FBXO25: variants seen among roughly 807,000 people sequenced by gnomAD.
The protein encoded by FBXO25 is F-box protein 25, also known as F-box only protein 25.
In FBXO25, 45 loss-of-function variants were observed where a neutral mutation model predicts 51.9. That is an observed-to-expected ratio of 0.87 (90% CI 0.68 to 1.11). FBXO25 has a LOEUF of 1.11. Ranked by LOEUF, FBXO25 falls within the 50% of genes most tolerant of loss-of-function variation. The probability of loss-of-function intolerance (pLI) is 0.00; values close to 1 mark genes in which losing one functional copy is unlikely to be tolerated. For missense variants in FBXO25, 507 were observed against 428.5 expected (o/e 1.18, Z -1.62); for synonymous variants, 199 against 151.0 (o/e 1.32, Z -2.33).
intron 5 of FBXO25, among the ~76,000 whole-genome samples, chr8:449,087 TAA>T (rs1333745081): frequency 6.8e-6 from 1 of 146,686 alleles, no homozygotes; most frequent in Admixed American, 6.8e-5. Flanking sequence ...CTGGTAAAAG[TAA>T]AAGATTTCAG....
rs1349744693 is a variant in FBXO25, at chr8:469,184, T to A, written c.*380T>A. 2 of 171,928 alleles carry A rather than the reference T, an allele frequency of 1.2e-5. No individual in the cohort carries two copies. Among genetic ancestry groups the A allele is most frequent in the Non-Finnish European group, 2.4e-5 (2 of 81,706 alleles). 10.7% of individuals were successfully genotyped at this position (171,928 alleles called of 1,614,324 possible). A position where few individuals can be genotyped will look rare whatever the true frequency, so the allele number is the denominator to read the frequency against. Reference sequence around the variant, plus strand: ...AATTATAGTTTCCCAATTGGGAAACTAATTGGGGGTGGGTTACAAAACATT... The same window carrying A: ...AATTATAGTTTCCCAATTGGGAAACAAATTGGGGGTGGGTTACAAAACATT... On this transcript the variant is annotated 3_prime_UTR_variant, in exon 10 of 10. Transcript: ENST00000350302.
chr8:418,462 C>G (rs1796948343), intron 2 of FBXO25, among the ~76,000 whole-genome samples: 1 of 150,346 alleles, frequency 6.7e-6, no homozygotes, highest in South Asian at 2.1e-4. Flanking sequence ...GCCTCAGCCT[C>G]CTGAGTAGCT....
At chr8:409,367 A>G (rs796540477) in intron 1 of FBXO25, among the ~76,000 whole-genome samples, 115 of 152,262 alleles carry the variant, frequency 7.6e-4, no homozygotes, top group African/African-American at 2.5e-3. Context: ...GGCATGGACT[A>G]TTTTTTTATT....
At chr8:463,691 G>A (rs1433527453) in intron 9 of FBXO25, among the ~76,000 whole-genome samples, 2 of 152,236 alleles carry the variant, frequency 1.3e-5, no homozygotes, top group South Asian at 2.1e-4. Flanking sequence ...AACTTAACAA[G>A]ACTATCGTTA....
chr8:431,918 G>A (rs563842602), intron 3 of FBXO25, among the ~76,000 whole-genome samples: 18 of 152,314 alleles, frequency 1.2e-4, no homozygotes, highest in African/African-American at 3.1e-4. Flanking sequence ...ACATGTTAAT[G>A]TATAGTAGGC....
chr8:459,928 G>A (rs1424382750), intron 8 of FBXO25, among the ~76,000 whole-genome samples: 1 of 152,172 alleles, frequency 6.6e-6, no homozygotes, highest in Non-Finnish European at 1.5e-5. Flanking sequence ...TGGATGCCTT[G>A]GGGAAAACTC....
At chr8:426,264 A>T (rs983711366) in intron 2 of FBXO25, among the ~76,000 whole-genome samples, 5 of 152,178 alleles carry the variant, frequency 3.3e-5, no homozygotes, top group Non-Finnish European at 5.9e-5. Context: ...GTGTATACTC[A>T]TAAAAAATAT....
chr8:425,239 C>T (rs909368960), intron 2 of FBXO25, among the ~76,000 whole-genome samples: 1 of 151,926 alleles, frequency 6.6e-6, no homozygotes, highest in Non-Finnish European at 1.5e-5. Context: ...AGTTTTATCA[C>T]CAAGTGTATA....
intron 5 of FBXO25, among the ~76,000 whole-genome samples, chr8:442,260 C>G (rs370133247): frequency 1.3e-5 from 2 of 150,732 alleles, no homozygotes; most frequent in African/African-American, 4.9e-5. Context: ...CTATTGTATA[C>G]ATAAATGTTT....
At chr8:454,996 T>C (rs189953734) in intron 7 of FBXO25, among the ~76,000 whole-genome samples, 1,940 of 152,194 alleles carry the variant, frequency 0.013, 35 homozygotes, top group African/African-American at 0.043. Context: ...AGAGGTTTGA[T>C]TTGTAGCCTT....
At chr8:445,302 G>A (rs1432965694) in intron 5 of FBXO25, among the ~76,000 whole-genome samples, 1 of 152,154 alleles carries the variant, frequency 6.6e-6, no homozygotes, top group African/African-American at 2.4e-5. Flanking sequence ...TTAAAGAAAT[G>A]TAGAAAACTT....
intron 5 of FBXO25, among the ~76,000 whole-genome samples, chr8:439,078 A>C (rs560727152): frequency 1.3e-5 from 2 of 152,370 alleles, no homozygotes; most frequent in African/African-American, 4.8e-5. Flanking sequence ...AACCCAGGAC[A>C]GCTGTAAACA....
chr8:455,717 C>T (rs139636548), intron 7 of FBXO25, among the ~76,000 whole-genome samples: 3 of 152,312 alleles, frequency 2.0e-5, no homozygotes, highest in East Asian at 1.9e-4. Context: ...GCAGCAGCAT[C>T]GTTTCTTCCT....
At chr8:440,667 C>A (rs1193101826) in intron 5 of FBXO25, among the ~76,000 whole-genome samples, 5 of 151,968 alleles carry the variant, frequency 3.3e-5, no homozygotes, top group African/African-American at 1.2e-4. Flanking sequence ...ATACACATGC[C>A]ATGGTGGTTT....
At chr8:408,738 T>C (rs1195652182) in intron 1 of FBXO25, among the ~76,000 whole-genome samples, 1 of 152,250 alleles carries the variant, frequency 6.6e-6, no homozygotes, top group Non-Finnish European at 1.5e-5. Flanking sequence ...ATGAAGTCCT[T>C]TTCTACTGAA....
rs188159906 is a variant in FBXO25 at position 422,423 on chromosome 8, A to T, written c.135-8918A>T. ...AGAGGAGACTACAAACTCTTCTGGC[A>T]TGGGGGGCCATGGTAGTGTGTCAGC... On this transcript the variant is annotated intron_variant, in intron 2 of 9. Coordinates refer to ENST00000350302, the MANE Select transcript of FBXO25 (RefSeq NM_183420.2). Among the ~76,000 whole-genome samples, 6 of 152,338 alleles carry T rather than the reference A, an allele frequency of 3.9e-5. No homozygotes were observed. In the East Asian group the frequency reaches 1.2e-3, roughly 29 times the overall value.
intron 2 of FBXO25, among the ~76,000 whole-genome samples, chr8:415,349 C>T (rs1326868439): frequency 6.6e-6 from 1 of 152,172 alleles, no homozygotes; most frequent in East Asian, 1.9e-4. Context: ...AGCAATTCAA[C>T]ATGGTTGATC....
At chr8:416,155 C>T (rs563028529) in intron 2 of FBXO25, among the ~76,000 whole-genome samples, 32 of 152,210 alleles carry the variant, frequency 2.1e-4, no homozygotes, top group Non-Finnish European at 4.0e-4. Flanking sequence ...TGGTCATCTG[C>T]TATGTGCCGG....
chr8:435,912 A>G (rs1282015919), intron 5 of FBXO25, among the ~76,000 whole-genome samples: 2 of 152,216 alleles, frequency 1.3e-5, no homozygotes, highest in Non-Finnish European at 2.9e-5. Flanking sequence ...CAGAGGTTGC[A>G]GAGCCTCAGT....
Sources: gnomAD v4.1 joint callset for allele counts (sites outside exome capture counted in the v4.1 genomes callset) on GRCh38, gnomAD v4.1.1 for gene constraint, MANE v1.5 for transcripts, NCBI Gene and HGNC (gene_info 2026-07-23, HGNC 2026-07-21) for gene names.